EPHA3: variants seen among roughly 807,000 people sequenced by gnomAD.
The protein encoded by EPHA3 is ephrin type-A receptor 3.
EPHA3 carries 42 observed loss-of-function variants against 107.1 expected under a neutral mutation model. The ratio of observed to expected loss-of-function variants is 0.39; its 90% confidence interval spans 0.31 to 0.51. The LOEUF is 0.51. EPHA3 is among the 20% of genes least tolerant of loss of function. EPHA3 has a pLI of 0.78. For synonymous variants in EPHA3, 461 were observed against 424.8 expected, an observed-to-expected ratio of 1.09 and a Z score of -1.05; for missense variants, 1,183 against 1,211.2, an observed-to-expected ratio of 0.98 and a Z score of 0.35.
intron 2 of EPHA3, among the ~76,000 whole-genome samples, chr3:89,132,419 T>C (rs1704225652): frequency 6.6e-6 from 1 of 152,220 alleles, no homozygotes; most frequent in Non-Finnish European, 1.5e-5. Context: ...TAATTGTATA[T>C]TATAGTGTTA....
intron 3 of EPHA3, among the ~76,000 whole-genome samples, chr3:89,257,122 A>G (rs1705303322): frequency 6.6e-6 from 1 of 152,206 alleles, no homozygotes; most frequent in South Asian, 2.1e-4. Context: ...ATAATTCACA[A>G]CACTGAACTT....
At position 89,107,734 on chromosome 3, in the gene EPHA3, C is replaced by G. The variant is rs72919864; in HGVS notation, c.-15C>G. On this transcript the variant is annotated 5_prime_UTR_variant, in exon 1 of 17. Transcript: ENST00000336596. ...ATGGAGATATGCTCCTCTCACTGCC[C>G]TCTGCACCAGCAACATGGATTGTCA... 4,464 of 1,612,678 alleles carry G rather than the reference C, an allele frequency of 2.8e-3. 105 individuals are homozygous for G. The African/African-American group carries it at 0.052, about 19-fold the overall frequency.
At chr3:89,301,637 T>C (rs187842418) in intron 3 of EPHA3, among the ~76,000 whole-genome samples, 1 of 152,252 alleles carries the variant, frequency 6.6e-6, no homozygotes, top group East Asian at 1.9e-4. Flanking sequence ...AAATATAAAA[T>C]GTTAGGTCAC....
intron 3 of EPHA3, 89 bp from the exon 4 acceptor site, chr3:89,340,827 A>G: frequency 7.7e-7 from 1 of 1,291,996 alleles, no homozygotes; most frequent in Non-Finnish European, 1.0e-6. Context: ...TATTTATAAT[A>G]AATTCATATT....
chr3:89,271,630 C>T (rs544195024), intron 3 of EPHA3, among the ~76,000 whole-genome samples: 4 of 151,186 alleles, frequency 2.6e-5, no homozygotes, highest in Admixed American at 1.3e-4. Flanking sequence ...CCATCCATAC[C>T]GATAGCTGAT....
In EPHA3 at chr3:89,405,682, G is replaced by T. The variant is rs145837196; in HGVS notation, c.1595-1587G>T. 2.7e-4 allele frequency among the ~76,000 whole-genome samples: 41 copies of T among 152,254 alleles called. No homozygotes were observed. In the East Asian group the frequency reaches 6.6e-3, roughly 24 times the overall value. The stretch of plus-strand genomic sequence containing the variant: ...TTGTTCAGGCTGAAGATGATATGTT[G>T]GCTCCTGGGGAGGTGATAGTATTCA... On this transcript the variant is annotated intron_variant, in intron 7 of 16. Transcript: ENST00000336596.
intron 3 of EPHA3, among the ~76,000 whole-genome samples, chr3:89,327,993 G>T (rs577699921): frequency 1.3e-5 from 2 of 152,052 alleles, no homozygotes; most frequent in South Asian, 4.2e-4. Flanking sequence ...AGCTATTTAG[G>T]AGGCTGAGGC....
In EPHA3 at chr3:89,352,954, A is replaced by AT. The variant is rs570087296; in HGVS notation, c.1306+10871dup. The stretch of plus-strand genomic sequence containing the variant: ...AAGAAAGAAAGAAAGAATCCACAGT[A>AT]TTTTTTTGCATTTGATAAAGAAAAT... On this transcript the variant is annotated intron_variant, in intron 5 of 16. Transcript: ENST00000336596. Among the ~76,000 whole-genome samples the AT allele has an allele frequency of 1.5e-3, 227 of 149,310 alleles. 6 individuals carry two copies. The South Asian group carries it at 0.023, about 15-fold the overall frequency.
chr3:89,218,489 G>T (rs62274640), intron 3 of EPHA3, among the ~76,000 whole-genome samples: 190 of 152,034 alleles, frequency 1.2e-3, no homozygotes, highest in Non-Finnish European at 2.2e-3. Flanking sequence ...TGGCTGCATA[G>T]TATTCCATGG....
At chr3:89,146,206 T>C (rs981467042) in intron 2 of EPHA3, among the ~76,000 whole-genome samples, 1 of 151,892 alleles carries the variant, frequency 6.6e-6, no homozygotes, top group African/African-American at 2.4e-5. Flanking sequence ...ATCCTCCATG[T>C]ATACACAGGA....
chr3:89,332,683 A>G (rs115700215), intron 3 of EPHA3, among the ~76,000 whole-genome samples: 260 of 152,288 alleles, frequency 1.7e-3, no homozygotes, highest in African/African-American at 6.2e-3. Flanking sequence ...GTACAGGCAA[A>G]TAGACCCTGT....
At chr3:89,147,111 C>G (rs151189172) in intron 2 of EPHA3, among the ~76,000 whole-genome samples, 3 of 151,880 alleles carry the variant, frequency 2.0e-5, no homozygotes, top group Admixed American at 6.6e-5. Context: ...CACATGTTAT[C>G]ATTCATAAGT....
chr3:89,459,491 CTCCTTCCTTCCT>C (rs58738148), intron 15 of EPHA3, among the ~76,000 whole-genome samples: 5 of 126,376 alleles, frequency 4.0e-5, no homozygotes, highest in East Asian at 2.2e-4. Flanking sequence ...CCTTCCTTCT[CTCCTTCCTTCCT>C]TCCTTCCTTC....
Position 89,341,808 on chromosome 3 carries a change from A to G in EPHA3, c.1024A>G (p.Ile342Val), listed in dbSNP as rs372301564. 6.2e-7 allele frequency: 1 copy of G among 1,614,054 alleles called. No homozygotes were observed. The highest frequency in any genetic ancestry group is 8.5e-7 in the Non-Finnish European group (1 of 1,180,016). Residue 342 changes from isoleucine to valine, a missense_variant, in exon 5 of 17, where the codon ATC (isoleucine) becomes GTC (valine). Physicochemically the swap from Ile to Val is conservative, Grantham distance 29. Coordinates refer to ENST00000336596, the MANE Select transcript of EPHA3 (RefSeq NM_005233.6). ...VISNINETSV[I>V]LDWSWPLDTG... ...CTCTAATATAAACGAGACCTCAGTT[A>G]TCCTGGACTGGAGTTGGCCCCTGGA...
At chr3:89,343,877 T>A (rs930587893) in intron 5 of EPHA3, among the ~76,000 whole-genome samples, 2 of 152,194 alleles carry the variant, frequency 1.3e-5, no homozygotes, top group Non-Finnish European at 2.9e-5. Context: ...GTTAATGGTA[T>A]TTATACTTTG....
intron 7 of EPHA3, among the ~76,000 whole-genome samples, chr3:89,405,480 G>A (rs909269507): frequency 1.2e-4 from 18 of 152,176 alleles, no homozygotes; most frequent in African/African-American, 3.9e-4. Context: ...GTAGTAAAGA[G>A]TAAAGGGCTT....
At position 89,399,944 on chromosome 3, in the gene EPHA3, T is replaced by C. The variant is rs1292324980; in HGVS notation, c.1594+464T>C. 4 of 1,050,958 alleles carry C rather than the reference T, an allele frequency of 3.8e-6. No homozygotes were observed. The East Asian group carries it at 2.2e-4, about 58-fold the overall frequency. 65.1% of individuals were successfully genotyped at this position (1,050,958 alleles called of 1,614,324 possible). On this transcript the variant is annotated intron_variant, in intron 7 of 16. Coordinates refer to ENST00000336596, the MANE Select transcript of EPHA3 (RefSeq NM_005233.6). ...AATAAGGATTTTCTAAAATGTGTTT[T>C]ATCACTTCATTCACATTCAGAAGTA... is the stretch of plus-strand genomic sequence containing the variant.
At chr3:89,476,620 T>TTATTTTATA (rs1710515897) in intron 16 of EPHA3, among the ~76,000 whole-genome samples, 1 of 150,164 alleles carries the variant, frequency 6.7e-6, no homozygotes, top group Non-Finnish European at 1.5e-5. Context: ...TTTATTTAAT[T>TTATTTTATA]TTTTTGAGGC....
intron 2 of EPHA3, among the ~76,000 whole-genome samples, chr3:89,149,494 T>C (rs1704642596): frequency 6.6e-6 from 1 of 151,990 alleles, no homozygotes; most frequent in African/African-American, 2.4e-5. Flanking sequence ...CTTTTTTTAT[T>C]ATTATTATAC....
Sources: allele counts gnomAD v4.1 joint callset (sites outside exome capture counted in the v4.1 genomes callset), GRCh38; gene constraint gnomAD v4.1.1; transcripts MANE v1.5; gene names NCBI Gene and HGNC (gene_info 2026-07-23, HGNC 2026-07-21).